Variants in HMCN2 observed in about 807,000 individuals in gnomAD.
HMCN2 encodes the protein hemicentin 2, also known as hemicentin-2.
In HMCN2, 325 loss-of-function variants were observed where a neutral mutation model predicts 377.5. That is an observed-to-expected ratio of 0.86 (90% confidence interval 0.79 to 0.94). The LOEUF (loss-of-function observed/expected upper bound fraction) is 0.94. Ranked by LOEUF, HMCN2 falls within the 40% of genes least tolerant of loss-of-function variation. The pLI, the probability that HMCN2 is intolerant of heterozygous loss-of-function variation, is 0.00. For missense variants in HMCN2, 4,543 were observed against 4,725.3 expected (o/e 0.96, Z 1.13); for synonymous variants, 2,007 against 2,046.8 (o/e 0.98, Z 0.53).
intron 1 of HMCN2, among the ~76,000 whole-genome samples, chr9:130,277,239 G>T (rs1834743615): frequency 6.6e-6 from 1 of 152,256 alleles, no homozygotes; most frequent in African/African-American, 2.4e-5. Context: ...CTCACATGCT[G>T]GAAGAGGGCT....
intron 86 of HMCN2, 63 bp downstream of exon 86, chr9:130,419,104 G>A: frequency 7.0e-7 from 1 of 1,420,442 alleles, no homozygotes; most frequent in Non-Finnish European, 9.2e-7. Context: ...GATGGGGATT[G>A]TGTGGTGCTT....
intron 15 of HMCN2, among the ~76,000 whole-genome samples, chr9:130,315,852 G>T (rs1837536592): frequency 3.3e-5 from 5 of 152,100 alleles, no homozygotes; most frequent in Non-Finnish European, 4.4e-5. Context: ...ACGCTCCCTG[G>T]CATCTCTTCT....
rs1839822104 is a variant in HMCN2, at chr9:130,353,124, A to T, written c.4783A>T (p.Ser1595Cys). ...GCAGTTGCAGCTGGGGAGGGCCCAGAGCTCCGATGCCGGCGTCTACACCTG... is the reference window on the plus strand; with the variant it reads ...GCAGTTGCAGCTGGGGAGGGCCCAGTGCTCCGATGCCGGCGTCTACACCTG... Reference protein sequence around the residue: ...GRQLQLGRAQSSDAGVYTCKA... With the variant: ...GRQLQLGRAQCSDAGVYTCKA... The change falls in exon 31 of 98, where the codon AGC (serine) becomes TGC (cysteine). Residue 1595 changes from serine to cysteine, a missense_variant. Around this residue, in one of 5 missense-constraint regions of HMCN2, gnomAD observed 1,032 missense variants for 1,285.1 expected, o/e 0.80. Coordinates refer to ENST00000683500, the MANE Select transcript of HMCN2 (RefSeq NM_001291815.2). 12 of 1,304,178 alleles carry T rather than the reference A, an allele frequency of 9.2e-6. No individual in the cohort carries two copies. Among genetic ancestry groups the T allele is most frequent in the Non-Finnish European group, 1.2e-5 (12 of 988,934 alleles). The allele number at this position is 1,304,178 out of a possible 1,614,324, so 80.8% of individuals were successfully genotyped here.
chr9:130,357,297 A>AGTGGGTAGATGGATGCATGG (rs1840089231), intron 34 of HMCN2, among the ~76,000 whole-genome samples: 1 of 65,200 alleles, frequency 1.5e-5, no homozygotes, highest in Non-Finnish European at 3.0e-5. Flanking sequence ...TGGATGAATG[A>AGTGGGTAGATGGATGCATGG]GTGGGTAGAT....
chr9:130,370,155 ATGAC>A (rs1465222198), intron 45 of HMCN2, among the ~76,000 whole-genome samples: 2 of 152,236 alleles, frequency 1.3e-5, no homozygotes, highest in Non-Finnish European at 2.9e-5. Flanking sequence ...CCTGTCCTGC[ATGAC>A]TGGTATGTGA....
In HMCN2 at chr9:130,391,915, T is replaced by C; in HGVS notation, c.9953-20T>C. 1.0e-6 allele frequency: 1 copy of C among 987,172 alleles called. No individual in the cohort carries two copies. Among genetic ancestry groups the C allele is most frequent in the South Asian group, 4.7e-5 (1 of 21,342 alleles). The allele number at this position is 987,172 out of a possible 1,614,324, so 61.2% of individuals were successfully genotyped here. A position where few individuals can be genotyped will look rare whatever the true frequency, so the allele number is the denominator to read the frequency against. ...TCCCAAGACCTCCGCACTACCCCTC[T>C]TTTTTCTACCCACCCTCAGTTCCTC... On this transcript the variant is annotated intron_variant, in intron 65 of 97. Coordinates refer to ENST00000683500, the MANE Select transcript of HMCN2 (RefSeq NM_001291815.2).
intron 25 of HMCN2, among the ~76,000 whole-genome samples, chr9:130,345,611 G>A (rs1839352320): frequency 6.6e-6 from 1 of 151,204 alleles, no homozygotes; most frequent in African/African-American, 2.4e-5. Flanking sequence ...GTGTAGTGTG[G>A]TGTGTGGTGT....
Position 130,375,750 on chromosome 9 carries a change from G to A in HMCN2, c.7804+14G>A, listed in dbSNP as rs925419202. 1.3e-5 allele frequency: 13 copies of A among 985,694 alleles called. No individual in the cohort carries two copies. The highest frequency in any genetic ancestry group is 1.6e-5 in the Non-Finnish European group (13 of 829,938). The allele number at this position is 985,694 out of a possible 1,614,324, so 61.1% of individuals were successfully genotyped here. A position where few individuals can be genotyped will look rare whatever the true frequency, so the allele number is the denominator to read the frequency against. On this transcript the variant is annotated intron_variant, in intron 50 of 97. Transcript: ENST00000683500. The stretch of plus-strand genomic sequence containing the variant: ...AGCTGCTCCCAGGTGACGCCCTCTG[G>A]GGGGAAAGGAGGGAGGGAACAGGTG...
Position 130,345,513 on chromosome 9 carries a change from T to C in HMCN2, c.3830-1653T>C, listed in dbSNP as rs1277469604. ...TGGTATGTATGTCATGTGTGGTATG[T>C]GTATGGTGTTTGGTGTGTATAGTAT... On this transcript the variant is annotated intron_variant, in intron 25 of 97. Coordinates refer to ENST00000683500, the MANE Select transcript of HMCN2 (RefSeq NM_001291815.2). Among the ~76,000 whole-genome samples, 10 of 150,368 alleles carry C rather than the reference T, an allele frequency of 6.7e-5. 1 individual carries two copies. In the South Asian group the frequency reaches 2.1e-3, roughly 32 times the overall value.
chr9:130,349,888 CTTTT>C (rs760662723), intron 29 of HMCN2, among the ~76,000 whole-genome samples: 165 of 91,306 alleles, frequency 1.8e-3, no homozygotes, highest in Non-Finnish European at 3.0e-3. Context: ...TTAGCCTTTC[CTTTT>C]TTTTTTTTTT....
rs1022893637 is a variant in HMCN2 at position 130,349,575 on chromosome 9, G to A, written c.4342G>A (p.Val1448Met). The change falls in exon 29 of 98, where the codon GTG (valine) becomes ATG (methionine). Residue 1448 changes from valine to methionine, a missense_variant. Physicochemically the swap from Val to Met is conservative, Grantham distance 21. Transcript: ENST00000683500. ...SVLGAGAAQE[V>M]LGLAGADVEL... is the part of the protein sequence containing the mutation. Reference sequence around the variant, plus strand: ...GCTTGGAGCCGGGGCCGCTCAGGAGGTGCTAGGATTGGCCGGTGCAGACGT... The same window carrying A: ...GCTTGGAGCCGGGGCCGCTCAGGAGATGCTAGGATTGGCCGGTGCAGACGT... The A allele has an allele frequency of 1.5e-6, 2 of 1,303,738 alleles. No individual in the cohort carries two copies. Among genetic ancestry groups the A allele is most frequent in the African/African-American group, 1.5e-5 (1 of 65,868 alleles). 80.8% of individuals were successfully genotyped at this position (1,303,738 alleles called of 1,614,324 possible). A position where few individuals can be genotyped will look rare whatever the true frequency, so the allele number is the denominator to read the frequency against.
At chr9:130,348,191 C>A in intron 26 of HMCN2, 1 of 403,096 alleles carries the variant, frequency 2.5e-6, no homozygotes, top group Non-Finnish European at 3.4e-6. Flanking sequence ...GTTACAAAAG[C>A]GTGGCCAGGC....
intron 43 of HMCN2, among the ~76,000 whole-genome samples, chr9:130,366,831 C>T (rs890533005): frequency 6.6e-6 from 1 of 152,116 alleles, no homozygotes; most frequent in Non-Finnish European, 1.5e-5. Context: ...TAAAACAGAT[C>T]CCCACCCTCA....
rs149269388 is a variant in HMCN2 at position 130,268,363 on chromosome 9, C to T, written c.259+2226C>T. On this transcript the variant is annotated intron_variant, in intron 1 of 97. Transcript: ENST00000683500. Reference sequence around the variant, plus strand: ...CATCCTGGTTCCCCAAATTAGCTTCCGAGTGACACCCCCAGGTTCAGACGT... The same window carrying T: ...CATCCTGGTTCCCCAAATTAGCTTCTGAGTGACACCCCCAGGTTCAGACGT... Among the ~76,000 whole-genome samples the T allele has an allele frequency of 4.5e-3, 673 of 150,104 alleles. 62 individuals are homozygous for T. Among genetic ancestry groups the T allele is most frequent in the South Asian group, 0.023 (109 of 4,716 alleles).
chr9:130,354,220 G>A (rs1055980756), intron 31 of HMCN2, among the ~76,000 whole-genome samples: 1 of 152,186 alleles, frequency 6.6e-6, no homozygotes, highest in African/African-American at 2.4e-5. Flanking sequence ...GGGTCTCCTT[G>A]AGGGTAGGAG....
At chr9:130,273,002 T>G (rs1554921712) in intron 1 of HMCN2, among the ~76,000 whole-genome samples, 1 of 152,234 alleles carries the variant, frequency 6.6e-6, no homozygotes, top group Non-Finnish European at 1.5e-5. Flanking sequence ...ATCTTGATTT[T>G]GGGGAAGAGT....
chr9:130,353,407 C>T (rs1839839226), intron 31 of HMCN2, among the ~76,000 whole-genome samples: 1 of 152,178 alleles, frequency 6.6e-6, no homozygotes, highest in African/African-American at 2.4e-5. Context: ...AAACTGAGGC[C>T]AGGAGTGGAA....
rs573725018 is a variant in HMCN2 at position 130,414,959 on chromosome 9, C to T, written c.12962-3813C>T. Among the ~76,000 whole-genome samples the T allele has an allele frequency of 4.0e-5, 6 of 150,696 alleles. No individual in the cohort carries two copies. Among genetic ancestry groups the T allele is most frequent in the Non-Finnish European group, 5.9e-5 (4 of 67,548 alleles). On this transcript the variant is annotated intron_variant, in intron 85 of 97. Transcript: ENST00000683500. The surrounding 1 kb of genome is among the most constrained non-coding windows in gnomAD (Gnocchi z 4.4). ...TGTCACCACTGAGTGGGAAGCCCCT[C>T]GCCTACACAGGCCGAGTGGGGAGCA... is the stretch of plus-strand genomic sequence containing the variant.
rs1233934709 is a variant in HMCN2 at position 130,270,121 on chromosome 9, C to CT, written c.259+3995dup. Reference sequence around the variant, plus strand: ...CTACCATGCCTGGCCTTAACTGTTTCTTTTTTTTTTTAAGTGTACTTAGTA... The same window carrying CT: ...CTACCATGCCTGGCCTTAACTGTTTCTTTTTTTTTTTTAAGTGTACTTAGTA... On this transcript the variant is annotated intron_variant, in intron 1 of 97. Coordinates refer to ENST00000683500, the MANE Select transcript of HMCN2 (RefSeq NM_001291815.2). Among the ~76,000 whole-genome samples the CT allele has an allele frequency of 5.0e-4, 69 of 138,334 alleles. 3 individuals carry two copies. The highest frequency in any genetic ancestry group is 1.2e-3 in the African/African-American group (47 of 39,146). The allele number at this position is 138,334 out of a possible 152,430, so 90.8% of individuals were successfully genotyped here.
Sources: gnomAD v4.1 joint callset for allele counts (sites outside exome capture counted in the v4.1 genomes callset) on GRCh38, gnomAD v4.1.1 for gene constraint, gnomAD v4.1.1 regional missense constraint, Gnocchi (gnomAD v3.1) non-coding constraint, MANE v1.5 for transcripts, NCBI Gene and HGNC (gene_info 2026-07-23, HGNC 2026-07-21) for gene names.